REEP4: variants seen among roughly 807,000 people sequenced by gnomAD.
REEP4 encodes the protein receptor expression-enhancing protein 4.
REEP4 carries 17 observed loss-of-function variants against 33.5 expected under a neutral mutation model. The ratio of observed to expected loss-of-function variants is 0.51; its 90% CI spans 0.35 to 0.76. The LOEUF is 0.76. Among genes scored for constraint, REEP4 ranks in the 30% least tolerant of loss-of-function variants. The pLI is 0.01. For missense variants in REEP4, 340 were observed against 357.9 expected (o/e 0.95, Z 0.40); for synonymous variants, 157 against 142.9 (o/e 1.10, Z -0.70).
intron 4 of REEP4, 47 bp downstream of exon 4, chr8:22,139,916 C>A: frequency 3.9e-6 from 6 of 1,552,288 alleles, no homozygotes; most frequent in Non-Finnish European, 4.4e-6. Context: ...GGGCTCTTTC[C>A]CTCATACCCA....
At chr8:22,140,794 CCCG>C in intron 1 of REEP4, 97 bp from the exon 2 acceptor site, 1 of 1,036,548 alleles carries the variant, frequency 9.6e-7, no homozygotes, top group South Asian at 1.5e-5. Context: ...GGTGGCAGTA[CCCG>C]CCCTGTTTTT....
Position 22,140,244 on chromosome 8 carries a change from C to A in REEP4, c.110G>T (p.Arg37Leu). 2 of 1,614,112 alleles carry A rather than the reference C, an allele frequency of 1.2e-6. No homozygotes were observed. The highest frequency in any genetic ancestry group is 1.6e-4 in the Middle Eastern group (1 of 6,062). ...VKTKNIREYV[R>L]WMMYWIVFAL... is the part of the protein sequence containing the mutation. ...AAAAACAATCCAGTACATCATCCAC[C>A]GCACCTGTGGGGTGAGCGCCCAGAG... The change falls in exon 3 of 8, where the codon CGG (arginine) becomes CTG (leucine). Residue 37 changes from arginine to leucine, a missense_variant. Transcript: ENST00000306306.
chr8:22,140,127 G>T, intron 3 of REEP4, 44 bp from the exon 4 acceptor site: 3 of 1,614,140 alleles, frequency 1.9e-6, no homozygotes, highest in Non-Finnish European at 2.5e-6. Context: ...AGCAGGGCTG[G>T]GGGGGCCACC....
chr8:22,140,671 G>A lies in REEP4; in HGVS notation c.59C>T (p.Ala20Val). 1 of 1,613,886 alleles carries A rather than the reference G, an allele frequency of 6.2e-7. No homozygotes were observed. Among genetic ancestry groups the A allele is most frequent in the Non-Finnish European group, 8.5e-7 (1 of 1,179,844 alleles). Residue 20 changes from alanine to valine, a missense_variant, in exon 2 of 8, where the codon GCT becomes GTT. Coordinates refer to ENST00000306306, the MANE Select transcript of REEP4 (RefSeq NM_025232.4). Reference sequence around the variant, plus strand: ...CTTCACAGCCTTATAGGAAGCATAAGCTGGACACAGCATCCCAAACACCAG... The same window carrying A: ...CTTCACAGCCTTATAGGAAGCATAAACTGGACACAGCATCCCAAACACCAG... The part of the protein sequence containing the change: ...VVLVFGMLCP[A>V]YASYKAVKTK...
rs372369162 is a variant in REEP4, at chr8:22,140,253, G to A, written c.106-5C>T. 5 of 1,613,890 alleles carry A rather than the reference G, an allele frequency of 3.1e-6. No homozygotes were observed. In the South Asian group the frequency reaches 4.4e-5, roughly 14 times the overall value. On this transcript the variant is annotated splice_polypyrimidine_tract_variant and splice_region_variant and intron_variant, in intron 2 of 7. Transcript: ENST00000306306. ...CCAGTACATCATCCACCGCACCTGT[G>A]GGGTGAGCGCCCAGAGGTCAGCATG...
chr8:22,138,280 G>C lies in REEP4; in HGVS notation c.*207C>G. The C allele has an allele frequency of 1.4e-6, 1 of 710,878 alleles. No individual in the cohort carries two copies. The highest frequency in any genetic ancestry group is 1.7e-5 in the African/African-American group (1 of 57,336). The allele number at this position is 710,878 out of a possible 1,614,324, so 44.0% of individuals were successfully genotyped here. ...GAGCAAGGCAATAAATAGAACCCTG[G>C]GCCCAGCCTGCTTTGGTACATTGTG... On this transcript the variant is annotated 3_prime_UTR_variant, in exon 8 of 8. Transcript: ENST00000306306.
Position 22,138,676 on chromosome 8 carries a change from C to T in REEP4, c.671G>A (p.Ser224Asn). 1 of 1,613,846 alleles carries T rather than the reference C, an allele frequency of 6.2e-7. No homozygotes were observed. ...TGGCTTCCTCTTGACCACACGCAGG[C>T]TCTGGCTGCGGATTAGGGGCTTCTC... The part of the protein sequence containing the change: ...PREKPLIRSQ[S>N]LRVVKRKPPV... Residue 224 changes from serine (S) to asparagine (N), a missense_variant, in exon 7 of 8, where the codon AGC (serine) becomes AAC (asparagine). Coordinates refer to ENST00000306306, the MANE Select transcript of REEP4 (RefSeq NM_025232.4).
At chr8:22,138,848 G>C in intron 6 of REEP4, 55 bp from the exon 7 acceptor site, 1 of 1,558,248 alleles carries the variant, frequency 6.4e-7, no homozygotes, top group Non-Finnish European at 8.7e-7. Flanking sequence ...GCCCTTCCTC[G>C]AGCCTTGGGG....
Position 22,140,002 on chromosome 8 carries a change from G to C in REEP4, c.264C>G (p.Tyr88Ter). The change falls in exon 4 of 8, where the codon TAC (tyrosine) becomes TAG (stop). Residue 88 changes from tyrosine (Y) to a stop codon, truncating the protein, a stop_gained. Transcript: ENST00000306306. LOFTEE classifies it high-confidence loss of function. The part of the protein sequence containing the change: ...SPYTKGASLL[Y>*]RKFVHPSLSR... ...ACAGGGACGGGTGGACAAACTTGCG[G>C]TAAAGCAGGCTGGCGCCCTTGGTGT... 1 of 1,593,178 alleles carries C rather than the reference G, an allele frequency of 6.3e-7. No individual in the cohort carries two copies. Among genetic ancestry groups the C allele is most frequent in the Non-Finnish European group, 8.6e-7 (1 of 1,169,084 alleles).
In REEP4 at chr8:22,140,766, C is replaced by T. The variant is rs73670356; in HGVS notation, c.33-69G>A. 4,411 of 1,372,234 alleles carry T rather than the reference C, an allele frequency of 3.2e-3. 92 individuals carry two copies. In the African/African-American group the frequency reaches 0.055, roughly 17 times the overall value. The allele number at this position is 1,372,234 out of a possible 1,614,324, so 85.0% of individuals were successfully genotyped here. ...CTCCCACCTTGCCAAGTGGCCATTT[C>T]CCCCCACTGGGGTGCAAGGTGGCAG... is the stretch of plus-strand genomic sequence containing the variant. On this transcript the variant is annotated intron_variant, in intron 1 of 7. Transcript: ENST00000306306.
Position 22,139,985 on chromosome 8 carries a change from G to A in REEP4, c.281C>T (p.Pro94Leu), listed in dbSNP as rs1827200365. 4 of 1,582,608 alleles carry A rather than the reference G, an allele frequency of 2.5e-6. No homozygotes were observed. Among genetic ancestry groups the A allele is most frequent in the South Asian group, 2.3e-5 (2 of 88,006 alleles). The change falls in exon 4 of 8, where the codon CCG (proline) becomes CTG (leucine). Residue 94 changes from proline to leucine, a missense_variant. Pro to Leu is a moderately conservative substitution (Grantham distance 98). Transcript: ENST00000306306. ...ASLLYRKFVH[P>L]SLSRHEKEID... ...TACCTTCTCATGGCGGGACAGGGAC[G>A]GGTGGACAAACTTGCGGTAAAGCAG...
At chr8:22,140,748 C>T in intron 1 of REEP4, 51 bp from the exon 2 acceptor site, 2 of 1,511,886 alleles carry the variant, frequency 1.3e-6, no homozygotes, top group Non-Finnish European at 1.8e-6. Context: ...CCACTCCCAC[C>T]TTGCCAAGTG....
At chr8:22,139,876 G>C in intron 4 of REEP4, 87 bp downstream of exon 4, 1 of 1,493,254 alleles carries the variant, frequency 6.7e-7, no homozygotes, top group Non-Finnish European at 9.1e-7. Flanking sequence ...TAGAACCCCG[G>C]TGTCCCCAGC....
At position 22,138,307 on chromosome 8, in the gene REEP4, G is replaced by A. The variant is rs1447297150; in HGVS notation, c.*180C>T. ...CCCAGCCTGCTTTGGTACATTGTGG[G>A]TGCATCCCTGCATGTGGCCTTGGCA... On this transcript the variant is annotated 3_prime_UTR_variant, in exon 8 of 8. Coordinates refer to ENST00000306306, the MANE Select transcript of REEP4 (RefSeq NM_025232.4). The A allele has an allele frequency of 1.3e-5, 7 of 542,306 alleles. No individual in the cohort carries two copies. Among genetic ancestry groups the A allele is most frequent in the Non-Finnish European group, 1.4e-5 (4 of 286,702 alleles). 33.6% of individuals were successfully genotyped at this position (542,306 alleles called of 1,614,324 possible).
In REEP4 at chr8:22,140,258, G is replaced by T; in HGVS notation, c.106-10C>A. On this transcript the variant is annotated splice_polypyrimidine_tract_variant and intron_variant, in intron 2 of 7. Coordinates refer to ENST00000306306, the MANE Select transcript of REEP4 (RefSeq NM_025232.4). ...ACATCATCCACCGCACCTGTGGGGT[G>T]AGCGCCCAGAGGTCAGCATGGGGCC... 1 of 1,613,820 alleles carries T rather than the reference G, an allele frequency of 6.2e-7. No homozygotes were observed. The highest frequency in any genetic ancestry group is 8.5e-7 in the Non-Finnish European group (1 of 1,179,794).
At chr8:22,141,062 G>A (rs960417345) in intron 1 of REEP4, among the ~76,000 whole-genome samples, 6 of 152,356 alleles carry the variant, frequency 3.9e-5, no homozygotes, top group Non-Finnish European at 1.5e-5. Flanking sequence ...GCCAGATGTT[G>A]GCATACTCAA....
rs759146700 is a variant in REEP4, at chr8:22,141,772, G to A, written c.-290C>T. ...ACAGCTCCCACCCGCCCTTTCTGCC[G>A]CGGAGAACCTGGCGCTCGGCCCTTG... On this transcript the variant is annotated 5_prime_UTR_variant, in exon 1 of 8. Transcript: ENST00000306306. 15 of 384,914 alleles carry A rather than the reference G, an allele frequency of 3.9e-5. No individual in the cohort carries two copies. Among genetic ancestry groups the A allele is most frequent in the Non-Finnish European group, 6.5e-5 (14 of 215,722 alleles). The allele number at this position is 384,914 out of a possible 1,614,324, so 23.8% of individuals were successfully genotyped here.
rs2131779235 is a variant in REEP4 at position 22,138,243 on chromosome 8, A to C, written c.*244T>G. The C allele has an allele frequency of 3.1e-6, 2 of 653,016 alleles. No homozygotes were observed. Among genetic ancestry groups the C allele is most frequent in the East Asian group, 2.7e-5 (1 of 36,652 alleles). The allele number at this position is 653,016 out of a possible 1,614,324, so 40.5% of individuals were successfully genotyped here. A position where few individuals can be genotyped will look rare whatever the true frequency, so the allele number is the denominator to read the frequency against. ...AGGGCTCTTGTCCCACAACCGGGGA[A>C]GGGAGAGGGCAGAGCAAGGCAATAA... On this transcript the variant is annotated 3_prime_UTR_variant, in exon 8 of 8. Coordinates refer to ENST00000306306, the MANE Select transcript of REEP4 (RefSeq NM_025232.4).
In REEP4 at chr8:22,138,030, G is replaced by A. The variant is rs1298277148; in HGVS notation, c.*457C>T. ...ATCAGGAGAAACAGAGCCCCTTTAT[G>A]TATTTATTTATCAAAACACTCGCAA... On this transcript the variant is annotated 3_prime_UTR_variant, in exon 8 of 8. Transcript: ENST00000306306. 2.4e-6 allele frequency: 1 copy of A among 408,942 alleles called. No homozygotes were observed. Among genetic ancestry groups the A allele is most frequent in the Non-Finnish European group, 4.6e-6 (1 of 219,614 alleles). The allele number at this position is 408,942 out of a possible 1,614,324, so 25.3% of individuals were successfully genotyped here. A position where few individuals can be genotyped will look rare whatever the true frequency, so the allele number is the denominator to read the frequency against.
Sources: allele counts gnomAD v4.1 joint callset (sites outside exome capture counted in the v4.1 genomes callset), GRCh38; gene constraint gnomAD v4.1.1; transcripts MANE v1.5; gene names NCBI Gene and HGNC (gene_info 2026-07-23, HGNC 2026-07-21).